The following GALNTL6 variants were observed in gnomAD, a reference collection of about 807,000 sequenced individuals.
The protein encoded by GALNTL6 is polypeptide N-acetylgalactosaminyltransferase-like 6.
A neutral mutation model predicts 73.7 loss-of-function variants in GALNTL6; 46 were observed. The ratio of observed to expected loss-of-function variants is 0.62; its 90% confidence interval spans 0.49 to 0.80. GALNTL6 has a LOEUF of 0.80. GALNTL6 is among the 30% of genes least tolerant of loss of function. GALNTL6 has a pLI of 0.00. For missense variants in GALNTL6, 604 were observed against 755.0 expected (o/e 0.80, Z 2.34); for synonymous variants, 259 against 263.7 (o/e 0.98, Z 0.17).
At chr4:173,018,957 TGAGGAAGGCA>T (rs1343841607) in intron 11 of GALNTL6, among the ~76,000 whole-genome samples, 3 of 152,158 alleles carry the variant, frequency 2.0e-5, no homozygotes, top group South Asian at 2.1e-4. Context: ...CCTTGGAGGC[TGAGGAAGGCA>T]GATGTGTGGT....
intron 2 of GALNTL6, among the ~76,000 whole-genome samples, chr4:172,024,087 GT>G (rs1741481980): frequency 6.6e-6 from 1 of 151,674 alleles, no homozygotes; most frequent in Non-Finnish European, 1.5e-5. Context: ...TTCTGCTTAG[GT>G]TTTAGGGTGT....
intron 7 of GALNTL6, among the ~76,000 whole-genome samples, chr4:172,855,008 C>G (rs1156899377): frequency 6.6e-6 from 1 of 152,056 alleles, no homozygotes; most frequent in Non-Finnish European, 1.5e-5. Context: ...ATCTAGAACA[C>G]ATTTTTACAA....
At chr4:172,633,155 C>T (rs192436307) in intron 5 of GALNTL6, among the ~76,000 whole-genome samples, 126 of 152,258 alleles carry the variant, frequency 8.3e-4, no homozygotes, top group African/African-American at 3.0e-3. Context: ...TGAAGAACTG[C>T]CTACTAGAAC....
chr4:172,744,989 TC>T lies in GALNTL6; in HGVS notation c.554-64371del, dbSNP rs562714719. Among the ~76,000 whole-genome samples the T allele has an allele frequency of 1.2e-4, 18 of 152,156 alleles. No homozygotes were observed. In the South Asian group the frequency reaches 3.7e-3, roughly 32 times the overall value. ...ATGTTATTTGATTTTAGTATAATAA[TC>T]AATCATGTTTATATACCAAAGATTA... On this transcript the variant is annotated intron_variant, in intron 5 of 12. Transcript: ENST00000506823.
Position 172,051,816 on chromosome 4 carries a change from C to A in GALNTL6, c.139-177840C>A, listed in dbSNP as rs111634160. Among the ~76,000 whole-genome samples the A allele has an allele frequency of 8.7e-3, 1,319 of 152,230 alleles. 14 individuals carry two copies. The highest frequency in any genetic ancestry group is 0.017 in the Middle Eastern group (5 of 294). ...GTAGGGCCTCTGCCAGGGAACCACCCTCTTGTACTCAGTATTTCCCTGTCT... is the reference window on the plus strand; with the variant it reads ...GTAGGGCCTCTGCCAGGGAACCACCATCTTGTACTCAGTATTTCCCTGTCT... On this transcript the variant is annotated intron_variant, in intron 2 of 12. Transcript: ENST00000506823.
At chr4:172,468,732 C>T (rs1420091042) in intron 5 of GALNTL6, among the ~76,000 whole-genome samples, 4 of 152,232 alleles carry the variant, frequency 2.6e-5, no homozygotes, top group Admixed American at 6.5e-5. Context: ...AGAGAGACAT[C>T]GAAGCAAGTA....
rs773803801 is a variant in GALNTL6, at chr4:171,918,751, C to T, written c.138+104033C>T. Among the ~76,000 whole-genome samples the T allele has an allele frequency of 1.6e-4, 25 of 151,974 alleles. 1 individual carries two copies. Among genetic ancestry groups the T allele is most frequent in the Non-Finnish European group, 2.6e-4 (18 of 68,000 alleles). On this transcript the variant is annotated intron_variant, in intron 2 of 12. Coordinates refer to ENST00000506823, the MANE Select transcript of GALNTL6 (RefSeq NM_001034845.3). ...CGAGATGTGGAAACAACCTAAATAT[C>T]CATCCAGAGGAATAAAGAAAATATG...
At chr4:172,250,027 A>G (rs972288399) in intron 3 of GALNTL6, among the ~76,000 whole-genome samples, 2 of 152,270 alleles carry the variant, frequency 1.3e-5, no homozygotes, top group South Asian at 2.1e-4. Flanking sequence ...GCTTTGCACC[A>G]TGCACCTGGA....
At chr4:172,806,999 G>C (rs1488476293) in intron 5 of GALNTL6, among the ~76,000 whole-genome samples, 1 of 152,134 alleles carries the variant, frequency 6.6e-6, no homozygotes, top group African/African-American at 2.4e-5. Context: ...GACACATAAC[G>C]GCGTCCTTGT....
Position 171,894,814 on chromosome 4 carries a change from A to C in GALNTL6, c.138+80096A>C, listed in dbSNP as rs577334337. Among the ~76,000 whole-genome samples, 6 of 152,308 alleles carry C rather than the reference A, an allele frequency of 3.9e-5. No individual in the cohort carries two copies. The South Asian group carries it at 8.3e-4, about 21-fold the overall frequency. On this transcript the variant is annotated intron_variant, in intron 2 of 12. Coordinates refer to ENST00000506823, the MANE Select transcript of GALNTL6 (RefSeq NM_001034845.3). Reference sequence around the variant, plus strand: ...AGAGTTCCAAGGGACTTGTGTGCTTATTTGAGACATGTCTGGCAAAGACTG... The same window carrying C: ...AGAGTTCCAAGGGACTTGTGTGCTTCTTTGAGACATGTCTGGCAAAGACTG...
intron 2 of GALNTL6, among the ~76,000 whole-genome samples, chr4:172,060,763 C>G (rs1180486801): frequency 1.3e-5 from 2 of 152,170 alleles, no homozygotes; most frequent in Admixed American, 1.3e-4. Flanking sequence ...CACTACCCAG[C>G]ATTCCATTTT....
At chr4:171,816,189 G>A (rs1000708289) in intron 2 of GALNTL6, 10 of 151,934 alleles carry the variant, frequency 6.6e-5, no homozygotes, top group African/African-American at 2.2e-4. Flanking sequence ...AACAGGAAAG[G>A]CAAAATTATT....
intron 2 of GALNTL6, among the ~76,000 whole-genome samples, chr4:171,951,921 A>C (rs925006399): frequency 1.3e-5 from 2 of 152,042 alleles, no homozygotes; most frequent in Non-Finnish European, 2.9e-5. Context: ...TTATTGAGCA[A>C]TGTATCCCAG....
At chr4:172,032,240 C>T (rs1560893048) in intron 2 of GALNTL6, among the ~76,000 whole-genome samples, 1 of 152,020 alleles carries the variant, frequency 6.6e-6, no homozygotes, top group Non-Finnish European at 1.5e-5. Flanking sequence ...GGTCACTAAA[C>T]TTTGGGAGTA....
chr4:172,466,250 T>A (rs1168019081), intron 5 of GALNTL6, among the ~76,000 whole-genome samples: 1 of 152,110 alleles, frequency 6.6e-6, no homozygotes, highest in Non-Finnish European at 1.5e-5. Flanking sequence ...AAATAAAATA[T>A]AAATTAACTT....
chr4:171,950,077 C>G (rs895174811), intron 2 of GALNTL6, among the ~76,000 whole-genome samples: 14 of 152,018 alleles, frequency 9.2e-5, no homozygotes, highest in Non-Finnish European at 1.5e-4. Context: ...GTATTCTTTG[C>G]AAAGAAACAA....
chr4:172,380,616 T>G, intron 5 of GALNTL6: 1 of 185,848 alleles, frequency 5.4e-6, no homozygotes, highest in East Asian at 1.4e-4. Flanking sequence ...ATGCATCAAT[T>G]AACATAAGTA....
chr4:172,241,849 A>T (rs960362284), intron 3 of GALNTL6, among the ~76,000 whole-genome samples: 3 of 152,146 alleles, frequency 2.0e-5, no homozygotes, highest in African/African-American at 7.2e-5. Flanking sequence ...GTGAGAATTT[A>T]TTGACACTGT....
intron 3 of GALNTL6, among the ~76,000 whole-genome samples, chr4:172,256,239 A>G (rs1738072762): frequency 6.6e-6 from 1 of 151,204 alleles, no homozygotes; most frequent in Non-Finnish European, 1.5e-5. Context: ...TGCAACAACC[A>G]TTGTCTCTAC....
Sources: allele counts gnomAD v4.1 joint callset (sites outside exome capture counted in the v4.1 genomes callset), GRCh38; gene constraint gnomAD v4.1.1; transcripts MANE v1.5; gene names NCBI Gene and HGNC (gene_info 2026-07-23, HGNC 2026-07-21).